RPS6KC1: variants seen among roughly 807,000 people sequenced by gnomAD.
RPS6KC1 encodes ribosomal protein S6 kinase C1.
A neutral mutation model predicts 103.8 loss-of-function variants in RPS6KC1; 54 were observed. That is an observed-to-expected ratio of 0.52 (90% confidence interval 0.42 to 0.65). The LOEUF (loss-of-function observed/expected upper bound fraction) is 0.65. RPS6KC1 is among the 30% of genes least tolerant of loss of function. The pLI, the probability that RPS6KC1 is intolerant of heterozygous loss-of-function variation, is 0.00. For synonymous variants in RPS6KC1, 439 were observed against 438.7 expected (o/e 1.00, Z -0.01); for missense variants, 1,151 against 1,253.8 (o/e 0.92, Z 1.24).
At chr1:213,184,158 A>C (rs1213562047) in intron 8 of RPS6KC1, among the ~76,000 whole-genome samples, 1 of 152,166 alleles carries the variant, frequency 6.6e-6, no homozygotes, top group Non-Finnish European at 1.5e-5. Flanking sequence ...TTCACCAGAG[A>C]ATTCTACCAT....
the RPS6KC1 span, among the ~76,000 whole-genome samples, chr1:213,559,288 C>A: frequency 6.6e-6 from 1 of 152,090 alleles, no homozygotes; most frequent in African/African-American, 2.4e-5. Flanking sequence ...CCAGTGGGGA[C>A]CCTTTGTTCT....
chr1:213,375,246 T>C, the RPS6KC1 span, among the ~76,000 whole-genome samples: 1 of 150,744 alleles, frequency 6.6e-6, no homozygotes, highest in South Asian at 2.1e-4. Flanking sequence ...CATACACACA[T>C]ATATACACAC....
In RPS6KC1 at chr1:213,241,292, A is replaced by G. The variant is rs1447171109; in HGVS notation, c.1816A>G (p.Lys606Glu). 1.2e-6 allele frequency: 2 copies of G among 1,613,968 alleles called. No homozygotes were observed. The highest frequency in any genetic ancestry group is 1.7e-4 in the Middle Eastern group (1 of 6,060). ...CATGGAATTCTTTAGGATAGACAGT[A>G]AGGATAGCGCAAGTGAACTCCTGGG... ...SPMEFFRIDS[K>E]DSASELLGLD... The change falls in exon 11 of 15, where the codon AAG becomes GAG. Residue 606 changes from lysine to glutamate, a missense_variant. Lys to Glu is a moderately conservative substitution (Grantham distance 56, BLOSUM62 1). This residue lies in a region of RPS6KC1 where 959 missense variants were observed against 1,006.3 expected (regional missense o/e 0.95). Coordinates refer to ENST00000366960, the MANE Select transcript of RPS6KC1 (RefSeq NM_012424.6).
At chr1:213,438,599 T>C in the RPS6KC1 span, among the ~76,000 whole-genome samples, 1 of 152,172 alleles carries the variant, frequency 6.6e-6, no homozygotes, top group Admixed American at 6.5e-5. Context: ...CATAGTCTAC[T>C]TTGTCTTTAT....
chr1:213,114,900 A>T (rs1047613271), intron 4 of RPS6KC1, among the ~76,000 whole-genome samples: 1 of 152,204 alleles, frequency 6.6e-6, no homozygotes, highest in African/African-American at 2.4e-5. Flanking sequence ...TCAGGGATGA[A>T]GCCCACTTGA....
the RPS6KC1 span, among the ~76,000 whole-genome samples, chr1:213,754,569 C>G: frequency 5.3e-5 from 8 of 152,134 alleles, no homozygotes; most frequent in Non-Finnish European, 8.8e-5. Flanking sequence ...CCTTCCACCT[C>G]TCTCTCTCAG....
At chr1:213,551,776 C>T in the RPS6KC1 span, among the ~76,000 whole-genome samples, 1 of 152,156 alleles carries the variant, frequency 6.6e-6, no homozygotes, top group Non-Finnish European at 1.5e-5. Context: ...TGGATTTGGA[C>T]AAATGTATGA....
At chr1:213,068,072 A>C (rs2078489667) in intron 1 of RPS6KC1, among the ~76,000 whole-genome samples, 1 of 152,230 alleles carries the variant, frequency 6.6e-6, no homozygotes, top group Non-Finnish European at 1.5e-5. Flanking sequence ...AAAAACATAA[A>C]TTGTGAAATT....
intron 6 of RPS6KC1, among the ~76,000 whole-genome samples, chr1:213,156,685 T>C (rs1204997818): frequency 6.6e-6 from 1 of 152,184 alleles, no homozygotes; most frequent in Non-Finnish European, 1.5e-5. Context: ...AATTGATGAA[T>C]ATATCTGAGT....
the RPS6KC1 span, among the ~76,000 whole-genome samples, chr1:213,771,131 G>A: frequency 6.6e-6 from 1 of 151,710 alleles, no homozygotes; most frequent in Non-Finnish European, 1.5e-5. Context: ...TCCTTTGTTT[G>A]TTTGTTTGTT....
chr1:213,251,820 T>A (rs1467013204), intron 12 of RPS6KC1, among the ~76,000 whole-genome samples: 1 of 152,208 alleles, frequency 6.6e-6, no homozygotes, highest in Admixed American at 6.5e-5. Context: ...AAATGCCTCC[T>A]GTGTCCCAGG....
chr1:213,118,113 T>C (rs989952570), intron 5 of RPS6KC1, among the ~76,000 whole-genome samples: 2 of 151,670 alleles, frequency 1.3e-5, no homozygotes, highest in Non-Finnish European at 2.9e-5. Context: ...ATTTAGTCAT[T>C]TAGCCACAAA....
At chr1:213,485,630 C>G in the RPS6KC1 span, among the ~76,000 whole-genome samples, 1 of 152,110 alleles carries the variant, frequency 6.6e-6, no homozygotes, top group African/African-American at 2.4e-5. Flanking sequence ...GCTGATGGCA[C>G]CATGAAGGAA....
intron 8 of RPS6KC1, among the ~76,000 whole-genome samples, chr1:213,209,362 C>A (rs908039971): frequency 3.9e-5 from 6 of 152,066 alleles, no homozygotes; most frequent in African/African-American, 1.4e-4. Context: ...GAAAGAATTC[C>A]TGGTGAGTCC....
At chr1:213,826,800 T>A in the RPS6KC1 span, among the ~76,000 whole-genome samples, 2 of 152,176 alleles carry the variant, frequency 1.3e-5, no homozygotes, top group African/African-American at 4.8e-5. Context: ...ATTCTCTACC[T>A]ATAATAAGGA....
At chr1:213,082,017 C>G (rs932100674) in intron 3 of RPS6KC1, among the ~76,000 whole-genome samples, 2 of 152,110 alleles carry the variant, frequency 1.3e-5, no homozygotes, top group African/African-American at 4.8e-5. Context: ...ATTTGTTACC[C>G]AGCAATAACT....
the RPS6KC1 span, among the ~76,000 whole-genome samples, chr1:213,451,767 T>C: frequency 6.6e-6 from 1 of 152,210 alleles, no homozygotes; most frequent in Admixed American, 6.5e-5. Context: ...ACGTGAACCA[T>C]GTAAACCTGA....
chr1:213,203,788 C>G (rs970085509), intron 8 of RPS6KC1, among the ~76,000 whole-genome samples: 1 of 152,160 alleles, frequency 6.6e-6, no homozygotes, highest in Admixed American at 6.6e-5. Flanking sequence ...CACATATATA[C>G]ACTGTTAAGG....
the RPS6KC1 span, among the ~76,000 whole-genome samples, chr1:213,793,939 C>T: frequency 2.0e-5 from 3 of 151,996 alleles, no homozygotes; most frequent in Admixed American, 6.6e-5. Context: ...ATAACGAAGA[C>T]AGTGTACACA....
Sources: gnomAD v4.1 joint callset for allele counts (sites outside exome capture counted in the v4.1 genomes callset) on GRCh38, gnomAD v4.1.1 for gene constraint, gnomAD v4.1.1 regional missense constraint, MANE v1.5 for transcripts, NCBI Gene and HGNC (gene_info 2026-07-23, HGNC 2026-07-21) for gene names.